Variants in NOTCH1 observed in about 807,000 individuals in gnomAD.
The protein encoded by NOTCH1 is notch receptor 1.
Under a neutral mutation model 254.8 loss-of-function variants are expected in NOTCH1, and 37 were observed. The observed-to-expected ratio is 0.15, with a 90% CI of 0.11 to 0.19. The LOEUF is 0.19. Ranked by LOEUF, NOTCH1 falls within the 10% of genes least tolerant of loss-of-function variation. The probability of loss-of-function intolerance (pLI) is 1.00; values close to 1 mark genes in which losing one functional copy is unlikely to be tolerated. For missense variants in NOTCH1, 2,972 were observed against 3,708.6 expected (o/e 0.80, Z 5.16); for synonymous variants, 1,731 against 1,618.1 (o/e 1.07, Z -1.68).
rs752505638 is a variant in NOTCH1, at chr9:136,496,925, G to A, written c.6814C>T (p.Arg2272Cys). Residue 2272 changes from arginine to cysteine, a missense_variant, in exon 34 of 34, where the codon CGT becomes TGT. This residue lies in a region of NOTCH1 where 529 missense variants were observed against 529.2 expected (regional missense o/e 1.00). Transcript: ENST00000651671. ...GRLAFETGPP[R>C]LSHLPVASGT... is the part of the protein sequence containing the mutation. ...GAGGCCACAGGCAGGTGGGAGAGAC[G>A]AGGTGGGCCAGTCTCAAAGGCCAGC... 8.7e-6 allele frequency: 14 copies of A among 1,612,350 alleles called. 1 individual carries two copies. The highest frequency in any genetic ancestry group is 6.6e-5 in the South Asian group (6 of 91,072).
At chr9:136,538,510 A>G (rs902464730) in intron 2 of NOTCH1, among the ~76,000 whole-genome samples, 2 of 152,220 alleles carry the variant, frequency 1.3e-5, no homozygotes, top group Non-Finnish European at 2.9e-5. Context: ...GCCCCACAGG[A>G]GAAAGCGCCA....
At chr9:136,508,619 C>T (rs922619360) in intron 19 of NOTCH1, among the ~76,000 whole-genome samples, 1 of 152,218 alleles carries the variant, frequency 6.6e-6, no homozygotes, top group African/African-American at 2.4e-5. Context: ...AGAAGGAACA[C>T]TTTTCCTCAA....
intron 6 of NOTCH1, 58 bp from the exon 7 acceptor site, chr9:136,518,350 C>T: frequency 6.4e-7 from 1 of 1,562,570 alleles, no homozygotes; most frequent in Non-Finnish European, 8.6e-7. Flanking sequence ...GGCACACCAC[C>T]CACGGCTGGG....
In NOTCH1 at chr9:136,517,204, C is replaced by T. The variant is rs187403692; in HGVS notation, c.1555+68G>A. On this transcript the variant is annotated intron_variant, in intron 9 of 33. Transcript: ENST00000651671. ...GCCCGGGGGCAGGGGACACAACCCA[C>T]GCCCAGGCACCCCTCAGGAGGCCAG... 3.1e-4 allele frequency: 318 copies of T among 1,023,132 alleles called. 1 individual carries two copies. In the East Asian group the frequency reaches 7.0e-3, roughly 23 times the overall value. The allele number at this position is 1,023,132 out of a possible 1,614,324, so 63.4% of individuals were successfully genotyped here.
At chr9:136,519,101 A>G (rs1843325787) in intron 5 of NOTCH1, among the ~76,000 whole-genome samples, 1 of 152,186 alleles carries the variant, frequency 6.6e-6, no homozygotes, top group Non-Finnish European at 1.5e-5. Flanking sequence ...CTGTTCATCC[A>G]GGCATCCCTG....
Position 136,518,418 on chromosome 9 carries a change from C to T in NOTCH1, c.1100-126G>A, listed in dbSNP as rs561213029. ...CCCGCCGTGACCCCGTCGGGCATCC[C>T]GTGACACTTGGGACGTTCCGGGGGA... On this transcript the variant is annotated intron_variant, in intron 6 of 33. Transcript: ENST00000651671. 9.1e-5 allele frequency: 123 copies of T among 1,346,548 alleles called. No homozygotes were observed. In the African/African-American group the frequency reaches 1.6e-3, roughly 17 times the overall value. 83.4% of individuals were successfully genotyped at this position (1,346,548 alleles called of 1,614,324 possible).
At chr9:136,528,394 GGGGGGGATGGGCAGGGACAGTGC>G (rs1843503489) in intron 2 of NOTCH1, among the ~76,000 whole-genome samples, 1 of 30,366 alleles carries the variant, frequency 3.3e-5, no homozygotes, top group Non-Finnish European at 6.8e-5. Flanking sequence ...AGGGACAGTG[GGGGGGGATGGGCAGGGACAGTGC>G]GGGGGGGATG....
At position 136,545,184 on chromosome 9, in the gene NOTCH1, C is replaced by T. The variant is rs145399617; in HGVS notation, c.61+542G>A. ...CCAAACTGAGAGCCGGGCTGGGGGG[C>T]ACCGGCGGGCGGGGCGACCGGGAGC... On this transcript the variant is annotated intron_variant, in intron 1 of 33. Transcript: ENST00000651671. The surrounding 1 kb of genome is among the most constrained non-coding windows in gnomAD (Gnocchi z 6.8). Among the ~76,000 whole-genome samples the T allele has an allele frequency of 0.032, 4,821 of 151,926 alleles. 271 individuals carry two copies. The highest frequency in any genetic ancestry group is 0.11 in the African/African-American group (4,464 of 41,428).
In NOTCH1 at chr9:136,511,078, C is replaced by T. The variant is rs11574894; in HGVS notation, c.2587+74G>A. 0.053 allele frequency: 84,800 copies of T among 1,606,842 alleles called. 2,742 individuals are homozygous for T. The highest frequency in any genetic ancestry group is 0.061 in the Non-Finnish European group (71,220 of 1,176,476). On this transcript the variant is annotated intron_variant, in intron 16 of 33. Coordinates refer to ENST00000651671, the MANE Select transcript of NOTCH1 (RefSeq NM_017617.5). ...CCTCTTCAAAGACTCATCTAGCCTG[C>T]CTGGGAGCTGCCTGTGTCCCGCAGA... is the stretch of plus-strand genomic sequence containing the variant.
intron 25 of NOTCH1, 86 bp from the exon 26 acceptor site, chr9:136,505,190 C>CGGGG: frequency 6.6e-7 from 1 of 1,524,244 alleles, no homozygotes; most frequent in Non-Finnish European, 8.9e-7. Context: ...TGGCCAGCCG[C>CGGGG]GGGGGACGTC....
rs73668312 is a variant in NOTCH1, at chr9:136,501,886, G to A, written c.5500C>T (p.Leu1834=). 1.0e-4 allele frequency: 169 copies of A among 1,612,246 alleles called. No individual in the cohort carries two copies. The African/African-American group carries it at 2.0e-3, about 19-fold the overall frequency. ...RFEEPVVLPD[L]DDQTDHRQWT... is the part of the protein sequence containing the mutation. Reference sequence around the variant, plus strand: ...TGCCGGTGGTCTGTCTGGTCGTCCAGGTCAGGCAGAACCACGGGCTCCTCG... The same window carrying A: ...TGCCGGTGGTCTGTCTGGTCGTCCAAGTCAGGCAGAACCACGGGCTCCTCG... The change falls in exon 30 of 34, where the codon CTG becomes TTG. Residue 1834 remains leucine (L), a synonymous_variant. Coordinates refer to ENST00000651671, the MANE Select transcript of NOTCH1 (RefSeq NM_017617.5).
rs1589054568 is a variant in NOTCH1 at position 136,499,162 on chromosome 9, A to G, written c.6032T>C (p.Leu2011Pro). 4 of 1,613,384 alleles carry G rather than the reference A, an allele frequency of 2.5e-6. No homozygotes were observed. Among genetic ancestry groups the G allele is most frequent in the Non-Finnish European group, 3.4e-6 (4 of 1,180,008 alleles). Residue 2011 changes from leucine (L) to proline (P), a missense_variant, in exon 32 of 34, where the codon CTG (leucine) becomes CCG (proline). Around this residue, in one of 8 missense-constraint regions of NOTCH1, gnomAD observed 421 missense variants for 604.4 expected, o/e 0.70. Transcript: ENST00000651671. Reference sequence around the variant, plus strand: ...GGCGTGTGAGTTGATGAGGTCCTCCAGCATGCCCTCCACGGCCAGGCGGGC... The same window carrying G: ...GGCGTGTGAGTTGATGAGGTCCTCCGGCATGCCCTCCACGGCCAGGCGGGC... Reference protein sequence around the residue: ...LAARLAVEGMLEDLINSHADV... With the variant: ...LAARLAVEGMPEDLINSHADV...
In NOTCH1 at chr9:136,531,881, C is replaced by T. The variant is rs570172075; in HGVS notation, c.141-7902G>A. Among the ~76,000 whole-genome samples, 337 of 152,338 alleles carry T rather than the reference C, an allele frequency of 2.2e-3. 3 individuals are homozygous for T. The highest frequency in any genetic ancestry group is 5.6e-3 in the African/African-American group (231 of 41,580). On this transcript the variant is annotated intron_variant, in intron 2 of 33. Transcript: ENST00000651671. Reference sequence around the variant, plus strand: ...GAGGTCACCTCATCCCCATCACACCCGCCGGCTCCCTGCTCTCTGACCACA... The same window carrying T: ...GAGGTCACCTCATCCCCATCACACCTGCCGGCTCCCTGCTCTCTGACCACA...
intron 21 of NOTCH1, 118 bp downstream of exon 21, chr9:136,507,837 T>C (rs1843113088): frequency 2.7e-6 from 3 of 1,092,372 alleles, no homozygotes; most frequent in South Asian, 2.6e-5. Flanking sequence ...CTAATGAGAC[T>C]GAACAGTGCA....
chr9:136,520,804 G>A (rs1033695202), intron 4 of NOTCH1, among the ~76,000 whole-genome samples: 4 of 152,044 alleles, frequency 2.6e-5, no homozygotes, highest in East Asian at 3.9e-4. Context: ...CCTGCACCCC[G>A]GCTCCGAGGC....
At chr9:136,516,290 G>A (rs552280116) in intron 9 of NOTCH1, among the ~76,000 whole-genome samples, 196 bp from the exon 10 acceptor site, 8 of 152,312 alleles carry the variant, frequency 5.3e-5, no homozygotes, top group African/African-American at 1.4e-4. Context: ...AGCACCACAC[G>A]CCCTCGCTCC....
At position 136,505,324 on chromosome 9, in the gene NOTCH1, C is replaced by A. The variant is rs745794855; in HGVS notation, c.4572G>T (p.Ala1524=). Residue 1524 remains alanine, a synonymous_variant, in exon 25 of 34, where the codon GCG becomes GCT. Transcript: ENST00000651671. ...CGCAGCCTTACTTGCACTGGCCTTC[C>A]GCACGCTGGCAGTCAAAGCCGTCGA... ...CLFDGFDCQR[A]EGQCNPLYDQ... is the part of the protein sequence containing the mutation. 1 of 1,580,522 alleles carries A rather than the reference C, an allele frequency of 6.3e-7. No individual in the cohort carries two copies. The highest frequency in any genetic ancestry group is 1.7e-4 in the Middle Eastern group (1 of 6,020).
intron 4 of NOTCH1, among the ~76,000 whole-genome samples, chr9:136,520,043 G>A (rs1201901961): frequency 1.3e-5 from 2 of 152,052 alleles, no homozygotes; most frequent in Non-Finnish European, 2.9e-5. Flanking sequence ...GATTCAGATG[G>A]CCCATCCTCC....
At chr9:136,497,820 C>A (rs1210168398) in intron 33 of NOTCH1, among the ~76,000 whole-genome samples, 2 of 152,324 alleles carry the variant, frequency 1.3e-5, no homozygotes, top group Admixed American at 1.3e-4. Flanking sequence ...GGGGCTCCAC[C>A]TCTATGGGGG....
Sources: gnomAD v4.1 joint callset for allele counts (sites outside exome capture counted in the v4.1 genomes callset) on GRCh38, gnomAD v4.1.1 for gene constraint, gnomAD v4.1.1 regional missense constraint, Gnocchi (gnomAD v3.1) non-coding constraint, MANE v1.5 for transcripts, NCBI Gene and HGNC (gene_info 2026-07-23, HGNC 2026-07-21) for gene names.